The following ANKRD44 variants were observed in gnomAD, a reference collection of about 807,000 sequenced individuals.
ANKRD44 encodes serine/threonine-protein phosphatase 6 regulatory ankyrin repeat subunit B.
A neutral mutation model predicts 116.0 loss-of-function variants in ANKRD44; 35 were observed. The observed-to-expected ratio is 0.30, with a 90% CI of 0.23 to 0.40. The LOEUF (loss-of-function observed/expected upper bound fraction) is 0.40. ANKRD44 is among the 10% of genes least tolerant of loss of function. ANKRD44 has a pLI of 1.00. For synonymous variants in ANKRD44, 435 were observed against 461.8 expected, an observed-to-expected ratio of 0.94 and a Z score of 0.74; for missense variants, 1,014 against 1,242.6, an observed-to-expected ratio of 0.82 and a Z score of 2.77.
chr2:197,078,122 A>G (rs1262517860), intron 16 of ANKRD44: 1 of 155,404 alleles, frequency 6.4e-6, no homozygotes, highest in African/African-American at 2.4e-5. Flanking sequence ...ACACATTATT[A>G]AGACTATAAT....
chr2:197,134,057 G>A (rs550452357), intron 4 of ANKRD44: 32 of 140,480 alleles, frequency 2.3e-4, no homozygotes, highest in African/African-American at 8.1e-4. Flanking sequence ...AGGTTCAAGT[G>A]ATTCTCCTGT....
At chr2:197,208,787 G>A (rs1229834556) in intron 1 of ANKRD44, among the ~76,000 whole-genome samples, 6 of 151,938 alleles carry the variant, frequency 3.9e-5, no homozygotes, top group Non-Finnish European at 7.4e-5. Flanking sequence ...GCGACAGAGC[G>A]AGACTCTGTC....
At chr2:197,207,495 A>G (rs1188022944) in intron 1 of ANKRD44, among the ~76,000 whole-genome samples, 1 of 152,160 alleles carries the variant, frequency 6.6e-6, no homozygotes, top group African/African-American at 2.4e-5. Flanking sequence ...TCATTCTGGC[A>G]TCTCAAAGGC....
intron 1 of ANKRD44, among the ~76,000 whole-genome samples, chr2:197,210,012 A>AAG (rs1254878545): frequency 6.6e-6 from 1 of 152,184 alleles, no homozygotes; most frequent in Non-Finnish European, 1.5e-5. Context: ...CCTACTACCT[A>AAG]AGAGACGTCT....
At chr2:197,126,087 T>G (rs566908412) in intron 4 of ANKRD44, 50 bp from the exon 5 acceptor site, 1 of 1,588,338 alleles carries the variant, frequency 6.3e-7, no homozygotes, top group African/African-American at 1.3e-5. Context: ...GTTCAATCAA[T>G]ACTTACTGGT....
chr2:196,972,082 A>G (rs1362192291), intron 21 of ANKRD44, among the ~76,000 whole-genome samples: 1 of 151,784 alleles, frequency 6.6e-6, no homozygotes. Flanking sequence ...TACATGCAAG[A>G]CTCCTCTCAG....
At chr2:197,225,602 C>T (rs2081689765) in intron 1 of ANKRD44, among the ~76,000 whole-genome samples, 1 of 152,198 alleles carries the variant, frequency 6.6e-6, no homozygotes, top group Non-Finnish European at 1.5e-5. Context: ...CCTCAGCCTG[C>T]CAAAGTGCTG....
intron 18 of ANKRD44, 124 bp from the exon 19 acceptor site, chr2:197,009,155 G>A (rs957317087): frequency 2.8e-5 from 19 of 673,508 alleles, no homozygotes; most frequent in Admixed American, 6.9e-5. Context: ...GCAGTGGGGC[G>A]ATGTCATCTC....
Position 197,310,677 on chromosome 2 carries a change from G to C in ANKRD44, c.-73C>G. 7.8e-7 allele frequency: 1 copy of C among 1,286,126 alleles called. No homozygotes were observed. The highest frequency in any genetic ancestry group is 1.0e-6 in the Non-Finnish European group (1 of 992,296). 79.7% of individuals were successfully genotyped at this position (1,286,126 alleles called of 1,614,324 possible). ...ATGTCACGCCGGGAGCCGGGGAAGCGGAAGGGATTGCCAGGAGAAGGGAAA... is the reference window on the plus strand; with the variant it reads ...ATGTCACGCCGGGAGCCGGGGAAGCCGAAGGGATTGCCAGGAGAAGGGAAA... On this transcript the variant is annotated 5_prime_UTR_variant, in exon 1 of 28. Coordinates refer to ENST00000282272, the MANE Select transcript of ANKRD44 (RefSeq NM_001195144.2).
In ANKRD44 at chr2:196,988,664, T is replaced by C. The variant is rs1300468130; in HGVS notation, c.*927A>G. ...GAAATATCTCACATACACTATAAAA[T>C]AGCAATTTCCAGGGTGGAAATGGAA... On this transcript the variant is annotated 3_prime_UTR_variant, in exon 28 of 28. Transcript: ENST00000282272. 1 of 985,064 alleles carries C rather than the reference T, an allele frequency of 1.0e-6. No individual in the cohort carries two copies. The highest frequency in any genetic ancestry group is 1.2e-6 in the Non-Finnish European group (1 of 829,716). The allele number at this position is 985,064 out of a possible 1,614,324, so 61.0% of individuals were successfully genotyped here. A position where few individuals can be genotyped will look rare whatever the true frequency, so the allele number is the denominator to read the frequency against.
At chr2:197,118,404 C>T (rs964100567) in intron 8 of ANKRD44, among the ~76,000 whole-genome samples, 21 of 151,380 alleles carry the variant, frequency 1.4e-4, no homozygotes, top group Non-Finnish European at 1.5e-5. Flanking sequence ...GCCTGGCCAA[C>T]ATGGCAAAAA....
At chr2:197,187,812 C>T (rs1272267743) in intron 1 of ANKRD44, among the ~76,000 whole-genome samples, 1 of 152,190 alleles carries the variant, frequency 6.6e-6, no homozygotes, top group Non-Finnish European at 1.5e-5. Flanking sequence ...TTTTGGACTT[C>T]CAACCTCCAG....
At chr2:197,246,782 G>A (rs1424710744) in intron 1 of ANKRD44, among the ~76,000 whole-genome samples, 23 of 152,022 alleles carry the variant, frequency 1.5e-4, no homozygotes, top group Admixed American at 1.5e-3. Flanking sequence ...AACACTATGA[G>A]GTACGTACAA....
chr2:197,083,903 C>G (rs775350283), intron 13 of ANKRD44, among the ~76,000 whole-genome samples: 4 of 152,184 alleles, frequency 2.6e-5, no homozygotes, highest in Non-Finnish European at 5.9e-5. Flanking sequence ...ACAAGGCCAT[C>G]TACCATGGAT....
intron 17 of ANKRD44, among the ~76,000 whole-genome samples, chr2:197,024,912 G>T (rs995308851): frequency 6.6e-6 from 1 of 152,190 alleles, no homozygotes; most frequent in Non-Finnish European, 1.5e-5. Flanking sequence ...CAAGAATAAA[G>T]GTTAAGGGCT....
At chr2:197,275,428 CAAA>C (rs527811437) in intron 1 of ANKRD44, among the ~76,000 whole-genome samples, 8,679 of 97,168 alleles carry the variant, frequency 0.089, 541 homozygotes, top group African/African-American at 0.25. Flanking sequence ...CCAGTCTCTT[CAAA>C]AAAAAAAAAA....
chr2:197,027,338 G>T (rs2076615179), intron 16 of ANKRD44, among the ~76,000 whole-genome samples: 1 of 152,098 alleles, frequency 6.6e-6, no homozygotes, highest in South Asian at 2.1e-4. Context: ...TTCCAGCCTG[G>T]GCAACAGAGC....
chr2:197,215,156 G>A (rs544379432), intron 1 of ANKRD44, among the ~76,000 whole-genome samples: 12 of 152,312 alleles, frequency 7.9e-5, no homozygotes, highest in Admixed American at 3.3e-4. Context: ...GATTACAGGA[G>A]TCAGCCACCA....
At chr2:197,106,326 T>C (rs1442517960) in intron 9 of ANKRD44, among the ~76,000 whole-genome samples, 1 of 151,924 alleles carries the variant, frequency 6.6e-6, no homozygotes, top group African/African-American at 2.4e-5. Context: ...ACCTGAGTAG[T>C]CCTAGCTACT....
Sources: allele counts gnomAD v4.1 joint callset (sites outside exome capture counted in the v4.1 genomes callset), GRCh38; gene constraint gnomAD v4.1.1; transcripts MANE v1.5; gene names NCBI Gene and HGNC (gene_info 2026-07-23, HGNC 2026-07-21).